Variants in SLC22A23 observed in about 807,000 individuals in gnomAD.
The protein encoded by SLC22A23 is ion transporter protein.
A neutral mutation model predicts 61.0 loss-of-function variants in SLC22A23; 26 were observed. That is an observed-to-expected ratio of 0.43 (90% CI 0.31 to 0.59). The LOEUF (loss-of-function observed/expected upper bound fraction) is 0.59. Among genes scored for constraint, SLC22A23 ranks in the 20% least tolerant of loss-of-function variants. SLC22A23 has a pLI of 0.11. For missense variants in SLC22A23, 796 were observed against 934.7 expected (o/e 0.85, Z 1.94); for synonymous variants, 430 against 413.9 (o/e 1.04, Z -0.47).
At chr6:3,335,250 C>T (rs2127414656) in intron 3 of SLC22A23, among the ~76,000 whole-genome samples, 1 of 152,302 alleles carries the variant, frequency 6.6e-6, no homozygotes, top group South Asian at 2.1e-4. Flanking sequence ...TAAACCCAAG[C>T]AAAACGGTGC....
intron 3 of SLC22A23, among the ~76,000 whole-genome samples, chr6:3,362,313 G>T (rs1322148407): frequency 6.6e-6 from 1 of 150,460 alleles, no homozygotes; most frequent in Non-Finnish European, 1.5e-5. Flanking sequence ...TGAGGCTGGA[G>T]AATCGCTTGA....
intron 3 of SLC22A23, among the ~76,000 whole-genome samples, chr6:3,396,299 A>T (rs1767999245): frequency 6.6e-6 from 1 of 152,230 alleles, no homozygotes. Context: ...GCAGTGGCTT[A>T]TGCCTGTAAT....
At position 3,360,858 on chromosome 6, in the gene SLC22A23, G is replaced by A. The variant is rs965797125; in HGVS notation, c.914-36856C>T. 6.6e-6 allele frequency among the ~76,000 whole-genome samples: 1 copy of A among 152,228 alleles called. No homozygotes were observed. The highest frequency in any genetic ancestry group is 1.5e-5 in the Non-Finnish European group (1 of 68,038). On this transcript the variant is annotated intron_variant, in intron 3 of 9. Transcript: ENST00000406686. The surrounding 1 kb of genome is among the most constrained non-coding windows in gnomAD (Gnocchi z 4.6). Reference sequence around the variant, plus strand: ...ATCCAGGGCGGGAACGGGATTGGACGAAGCCTTCCCTCGGGCAAAGATGCT... The same window carrying A: ...ATCCAGGGCGGGAACGGGATTGGACAAAGCCTTCCCTCGGGCAAAGATGCT...
rs1758461034 is a variant in SLC22A23 at position 3,271,317 on chromosome 6, T to G, written c.*1738A>C. 6.6e-6 allele frequency: 1 copy of G among 152,344 alleles called. No homozygotes were observed. The highest frequency in any genetic ancestry group is 1.9e-4 in the East Asian group (1 of 5,266). The allele number at this position is 152,344 out of a possible 1,614,324, so 9.4% of individuals were successfully genotyped here. ...TTCCTGGGTATCTCAAGATCCCAGG[T>G]GTCGGCGTGGTCCAGCCACTGGAAA... On this transcript the variant is annotated 3_prime_UTR_variant, in exon 10 of 10. Transcript: ENST00000406686.
intron 1 of SLC22A23, among the ~76,000 whole-genome samples, chr6:3,420,231 A>AG (rs1770025380): frequency 7.8e-6 from 1 of 128,688 alleles, no homozygotes; most frequent in East Asian, 2.1e-4. Flanking sequence ...TAGCAAAATG[A>AG]GAAAAAAAAA....
chr6:3,438,635 A>G (rs1194615670), intron 1 of SLC22A23: 1 of 415,778 alleles, frequency 2.4e-6, no homozygotes, highest in Non-Finnish European at 4.8e-6. Flanking sequence ...AGTACCTTTT[A>G]CTTCCAAACA....
intron 3 of SLC22A23, among the ~76,000 whole-genome samples, chr6:3,408,961 T>C (rs1769017063): frequency 6.6e-6 from 1 of 152,234 alleles, no homozygotes; most frequent in Admixed American, 6.5e-5. Flanking sequence ...GAAAAGTGCT[T>C]AGACCTGTTC....
intron 7 of SLC22A23, 40 bp from the exon 8 acceptor site, chr6:3,285,151 C>G (rs769156966): frequency 6.2e-7 from 1 of 1,611,880 alleles, no homozygotes; most frequent in South Asian, 1.1e-5. Context: ...CGGACAAGGG[C>G]CAAGCAAGCG....
At chr6:3,336,038 G>A (rs1035906898) in intron 3 of SLC22A23, among the ~76,000 whole-genome samples, 3 of 151,672 alleles carry the variant, frequency 2.0e-5, no homozygotes, top group Non-Finnish European at 2.9e-5. Context: ...GCAGTGAGCC[G>A]AGATGGCGCC....
At chr6:3,278,043 C>T (rs1259102305) in intron 9 of SLC22A23, among the ~76,000 whole-genome samples, 3 of 152,202 alleles carry the variant, frequency 2.0e-5, no homozygotes, top group Admixed American at 6.5e-5. Flanking sequence ...GTGGTGGGCC[C>T]TACCCACTGA....
At chr6:3,275,771 T>A (rs1479735930) in intron 9 of SLC22A23, among the ~76,000 whole-genome samples, 1 of 152,052 alleles carries the variant, frequency 6.6e-6, no homozygotes, top group Non-Finnish European at 1.5e-5. Flanking sequence ...TTTAGTAGAG[T>A]CGGGGTTTCG....
chr6:3,382,236 A>T (rs939037845), intron 3 of SLC22A23, among the ~76,000 whole-genome samples: 2 of 152,216 alleles, frequency 1.3e-5, no homozygotes. Flanking sequence ...GATGCTGGAG[A>T]TGAATCAGGG....
At chr6:3,434,441 T>C (rs1006667494) in intron 1 of SLC22A23, among the ~76,000 whole-genome samples, 2 of 151,654 alleles carry the variant, frequency 1.3e-5, no homozygotes, top group Non-Finnish European at 2.9e-5. Context: ...AAATCCCATA[T>C]CTACTAAAAA....
At position 3,272,286 on chromosome 6, in the gene SLC22A23, C is replaced by A. The variant is rs549012236; in HGVS notation, c.*769G>T. On this transcript the variant is annotated 3_prime_UTR_variant, in exon 10 of 10. Transcript: ENST00000406686. ...AGGAGGAATAAAAACGAGCACATCT[C>A]AGGTCTCGACGCATCTGTTAGCTGT... The A allele has an allele frequency of 6.5e-6, 1 of 152,786 alleles. No individual in the cohort carries two copies. Among genetic ancestry groups the A allele is most frequent in the African/African-American group, 2.4e-5 (1 of 41,456 alleles). 9.5% of individuals were successfully genotyped at this position (152,786 alleles called of 1,614,324 possible).
intron 3 of SLC22A23, among the ~76,000 whole-genome samples, chr6:3,384,279 A>G (rs1265445596): frequency 1.3e-5 from 2 of 152,248 alleles, no homozygotes; most frequent in Non-Finnish European, 2.9e-5. Context: ...ATCTCCTATC[A>G]TACGTCTGCT....
At chr6:3,448,140 T>C (rs952780454) in intron 1 of SLC22A23, among the ~76,000 whole-genome samples, 1 of 151,162 alleles carries the variant, frequency 6.6e-6, no homozygotes, top group Non-Finnish European at 1.5e-5. Context: ...TGACCTCAGG[T>C]GATCCACCTC....
chr6:3,325,159 A>T (rs1581693900), intron 3 of SLC22A23, among the ~76,000 whole-genome samples: 1 of 152,322 alleles, frequency 6.6e-6, no homozygotes, highest in African/African-American at 2.4e-5. Context: ...CCCTTCGGAG[A>T]GAACACTTTT....
intron 1 of SLC22A23, among the ~76,000 whole-genome samples, chr6:3,440,790 T>TA (rs1454699878): frequency 6.6e-6 from 1 of 151,798 alleles, no homozygotes; most frequent in East Asian, 1.9e-4. Flanking sequence ...GACAGCCATG[T>TA]AACAAGCCAA....
Position 3,390,106 on chromosome 6 carries a change from G to A in SLC22A23, c.913+20082C>T, listed in dbSNP as rs994142364. Among the ~76,000 whole-genome samples, 6 of 152,300 alleles carry A rather than the reference G, an allele frequency of 3.9e-5. No homozygotes were observed. Among genetic ancestry groups the A allele is most frequent in the Middle Eastern group, 3.4e-3 (1 of 294 alleles). On this transcript the variant is annotated intron_variant, in intron 3 of 9. Coordinates refer to ENST00000406686, the MANE Select transcript of SLC22A23 (RefSeq NM_015482.2). The surrounding 1 kb of genome is among the most constrained non-coding windows in gnomAD (Gnocchi z 4.0). ...CTGGGCCAGTTGCCACCATCCGTCC[G>A]TGGGCTCATCCGGAACAGCAACCAG...
Sources: gnomAD v4.1 joint callset for allele counts (sites outside exome capture counted in the v4.1 genomes callset) on GRCh38, gnomAD v4.1.1 for gene constraint, Gnocchi (gnomAD v3.1) non-coding constraint, MANE v1.5 for transcripts, NCBI Gene and HGNC (gene_info 2026-07-23, HGNC 2026-07-21) for gene names.